The following TENM4 variants were observed in gnomAD, a reference collection of about 807,000 sequenced individuals.
TENM4 encodes teneurin-4.
In TENM4, 82 loss-of-function variants were observed where a neutral mutation model predicts 243.3. The observed-to-expected ratio is 0.34, with a 90% CI of 0.28 to 0.40. The LOEUF (loss-of-function observed/expected upper bound fraction) is 0.40, where lower values mean the gene tolerates loss of function less well. Among genes scored for constraint, TENM4 ranks in the 10% least tolerant of loss-of-function variants. The pLI is 1.00. For missense variants in TENM4, 3,138 were observed against 3,673.3 expected (o/e 0.85, Z 3.77); for synonymous variants, 1,412 against 1,456.3 (o/e 0.97, Z 0.69).
chr11:79,292,834 T>C (rs1450507920), intron 2 of TENM4, among the ~76,000 whole-genome samples: 1 of 152,226 alleles, frequency 6.6e-6, no homozygotes, highest in Admixed American at 6.5e-5. Flanking sequence ...TCTTATAGGG[T>C]TGCTTTGAGA....
intron 12 of TENM4, among the ~76,000 whole-genome samples, chr11:78,848,948 T>G (rs1356296589): frequency 6.6e-6 from 1 of 152,218 alleles, no homozygotes; most frequent in Non-Finnish European, 1.5e-5. Flanking sequence ...AAAATGACTC[T>G]TCTCTTCAAT....
rs142301386 is a variant in TENM4, at chr11:79,249,049, A to T, written c.-264-33140T>A. Among the ~76,000 whole-genome samples the T allele has an allele frequency of 2.3e-3, 344 of 152,372 alleles. 1 individual carries two copies. The highest frequency in any genetic ancestry group is 7.5e-3 in the African/African-American group (314 of 41,600). On this transcript the variant is annotated intron_variant, in intron 2 of 33. Coordinates refer to ENST00000278550, the MANE Select transcript of TENM4 (RefSeq NM_001098816.3). ...ATCTTCAGCAATAATTTGGTCTTCA[A>T]TTTTTATTTAGCATCATTGACACAA... is the stretch of plus-strand genomic sequence containing the variant.
intron 20 of TENM4, 94 bp from the exon 21 acceptor site, chr11:78,732,671 C>T: frequency 5.0e-6 from 7 of 1,391,556 alleles, no homozygotes; most frequent in Middle Eastern, 2.7e-4. Context: ...GAGAAAATTA[C>T]ACCAAAGGGT....
Position 79,083,140 on chromosome 11 carries a change from G to T in TENM4, c.-65-13131C>A, listed in dbSNP as rs187528355. ...GTCTTATAAGTGCCGTAAAGAAAGG[G>T]ATTCTCCAGGGCAGTCTGAATGGAG... On this transcript the variant is annotated intron_variant, in intron 4 of 33. Transcript: ENST00000278550. Among the ~76,000 whole-genome samples, 41 of 152,300 alleles carry T rather than the reference G, an allele frequency of 2.7e-4. No homozygotes were observed. The East Asian group carries it at 7.7e-3, about 29-fold the overall frequency.
intron 3 of TENM4, among the ~76,000 whole-genome samples, chr11:79,206,286 TGA>T (rs1368830099): frequency 6.6e-6 from 1 of 152,176 alleles, no homozygotes; most frequent in Non-Finnish European, 1.5e-5. Flanking sequence ...CTGAAGGCCT[TGA>T]GAGAGATCTA....
intron 4 of TENM4, among the ~76,000 whole-genome samples, chr11:79,112,496 G>C (rs999164583): frequency 6.6e-6 from 1 of 152,112 alleles, no homozygotes; most frequent in Non-Finnish European, 1.5e-5. Flanking sequence ...GTGGAGTTAG[G>C]GTGAGAGGTA....
chr11:79,081,619 G>T (rs1016211556), intron 4 of TENM4, among the ~76,000 whole-genome samples: 1 of 151,376 alleles, frequency 6.6e-6, no homozygotes, highest in Non-Finnish European at 1.5e-5. Context: ...GAAACCAAAG[G>T]CTCTATTGTA....
At chr11:79,385,813 A>G (rs1483494584) in intron 1 of TENM4, among the ~76,000 whole-genome samples, 1 of 151,960 alleles carries the variant, frequency 6.6e-6, no homozygotes, top group African/African-American at 2.4e-5. Context: ...TCCTAACACC[A>G]TCTCTCTTAG....
chr11:78,826,181 G>A (rs900714855), intron 12 of TENM4, among the ~76,000 whole-genome samples: 2 of 147,338 alleles, frequency 1.4e-5, no homozygotes, highest in Non-Finnish European at 3.0e-5. Flanking sequence ...TCTGCCTCCA[G>A]GGTTCAAGAG....
intron 1 of TENM4, among the ~76,000 whole-genome samples, chr11:79,410,004 G>A (rs1047648359): frequency 2.6e-5 from 4 of 152,034 alleles, no homozygotes; most frequent in Non-Finnish European, 5.9e-5. Context: ...ACTGTCTTGG[G>A]CCACACATAA....
chr11:79,259,034 G>A (rs1045211166), intron 2 of TENM4, among the ~76,000 whole-genome samples: 45 of 152,288 alleles, frequency 3.0e-4, no homozygotes, highest in Non-Finnish European at 5.9e-5. Flanking sequence ...GGTTCACAAT[G>A]CAGAGAATTA....
At chr11:79,041,879 C>T (rs948998974) in intron 6 of TENM4, among the ~76,000 whole-genome samples, 2 of 152,174 alleles carry the variant, frequency 1.3e-5, no homozygotes, top group Non-Finnish European at 2.9e-5. Flanking sequence ...TGCCAGCCCT[C>T]GCAGGGCTCA....
intron 28 of TENM4, among the ~76,000 whole-genome samples, chr11:78,696,547 G>C (rs2135747288): frequency 6.6e-6 from 1 of 152,234 alleles, no homozygotes; most frequent in South Asian, 2.1e-4. Flanking sequence ...TTTTGTGAGG[G>C]GGTTTGGGTT....
intron 6 of TENM4, among the ~76,000 whole-genome samples, chr11:78,960,791 G>A (rs1166263361): frequency 6.6e-6 from 1 of 152,214 alleles, no homozygotes; most frequent in Non-Finnish European, 1.5e-5. Flanking sequence ...ACTCCCAAGA[G>A]AAAAGATGGC....
chr11:78,806,521 G>A (rs1857391587), intron 14 of TENM4, among the ~76,000 whole-genome samples: 1 of 152,144 alleles, frequency 6.6e-6, no homozygotes, highest in Non-Finnish European at 1.5e-5. Flanking sequence ...TGGGTTATCT[G>A]CTCTGTGCTT....
intron 4 of TENM4, among the ~76,000 whole-genome samples, chr11:79,089,650 A>G (rs1860899348): frequency 6.6e-6 from 1 of 152,150 alleles, no homozygotes; most frequent in African/African-American, 2.4e-5. Context: ...TATCCTTGCT[A>G]CTTAATGTTT....
intron 6 of TENM4, among the ~76,000 whole-genome samples, chr11:79,033,121 T>C (rs1263191161): frequency 1.3e-5 from 2 of 152,112 alleles, no homozygotes; most frequent in Non-Finnish European, 2.9e-5. Context: ...TCTGTACCAC[T>C]TGATGACCTA....
chr11:79,235,481 A>G (rs1864447984), intron 2 of TENM4, among the ~76,000 whole-genome samples: 1 of 152,190 alleles, frequency 6.6e-6, no homozygotes, highest in Non-Finnish European at 1.5e-5. Context: ...GGAGGTGCTC[A>G]AGATAGGGAC....
intron 1 of TENM4, among the ~76,000 whole-genome samples, chr11:79,431,142 A>G (rs1167757585): frequency 6.6e-6 from 1 of 152,256 alleles, no homozygotes; most frequent in Non-Finnish European, 1.5e-5. Context: ...CTATTAATTC[A>G]TAAGCTACTA....
Sources: gnomAD v4.1 joint callset for allele counts (sites outside exome capture counted in the v4.1 genomes callset) on GRCh38, gnomAD v4.1.1 for gene constraint, MANE v1.5 for transcripts, NCBI Gene and HGNC (gene_info 2026-07-23, HGNC 2026-07-21) for gene names.